LRRK2: variants seen among roughly 807,000 people sequenced by gnomAD.
LRRK2 encodes the protein leucine-rich repeat serine/threonine-protein kinase 2.
In LRRK2, 203 loss-of-function variants were observed where a neutral mutation model predicts 302.6. That is an observed-to-expected ratio of 0.67 (90% CI 0.60 to 0.75). The LOEUF (loss-of-function observed/expected upper bound fraction) is 0.75. Among genes scored for constraint, LRRK2 ranks in the 30% least tolerant of loss-of-function variants. LRRK2 has a pLI of 0.00. For synonymous variants in LRRK2, 1,066 were observed against 1,031.9 expected, an observed-to-expected ratio of 1.03 and a Z score of -0.63; for missense variants, 2,830 against 2,951.0, an observed-to-expected ratio of 0.96 and a Z score of 0.95.
intron 10 of LRRK2, among the ~76,000 whole-genome samples, chr12:40,252,693 A>T (rs966512496): frequency 6.6e-6 from 1 of 152,006 alleles, no homozygotes; most frequent in Admixed American, 6.6e-5. Context: ...TCTCTGCTGC[A>T]TATGCTTTTG....
chr12:40,233,274 A>T (rs1941289560), intron 3 of LRRK2, among the ~76,000 whole-genome samples: 1 of 152,134 alleles, frequency 6.6e-6, no homozygotes, highest in African/African-American at 2.4e-5. Context: ...TTTATACCTA[A>T]TATGACTTTT....
In LRRK2 at chr12:40,340,279, T is replaced by A. The variant is rs1258203630; in HGVS notation, c.5949-15T>A. 6.2e-7 allele frequency: 1 copy of A among 1,613,166 alleles called. No homozygotes were observed. Among genetic ancestry groups the A allele is most frequent in the Non-Finnish European group, 8.5e-7 (1 of 1,179,254 alleles). ...AATCACATTTGAATAAGATTTCCTG[T>A]GCATTTTCTGGCAGATACCTCCACT... is the stretch of plus-strand genomic sequence containing the variant. On this transcript the variant is annotated splice_polypyrimidine_tract_variant and intron_variant, in intron 40 of 50. Transcript: ENST00000298910.
At chr12:40,225,414 C>G (rs1382787788) in intron 1 of LRRK2, 132 bp downstream of exon 1, 2 of 1,292,894 alleles carry the variant, frequency 1.5e-6, no homozygotes, top group African/African-American at 2.9e-5. Context: ...ACTCCCATAT[C>G]CTTTCCTTAG....
chr12:40,353,067 G>T (rs1344891749), intron 44 of LRRK2, among the ~76,000 whole-genome samples: 1 of 149,148 alleles, frequency 6.7e-6, no homozygotes, highest in East Asian at 2.0e-4. Flanking sequence ...CTCCCAGACG[G>T]GGCGGCGGCC....
chr12:40,258,510 A>G (rs1490994866), intron 12 of LRRK2, among the ~76,000 whole-genome samples: 1 of 152,170 alleles, frequency 6.6e-6, no homozygotes, highest in African/African-American at 2.4e-5. Context: ...GATTCTGGGC[A>G]AGGCATTTAA....
rs765296942 is a variant in LRRK2, at chr12:40,284,142, C to A, written c.2500+9C>A. 6.3e-7 allele frequency: 1 copy of A among 1,597,266 alleles called. No individual in the cohort carries two copies. Among genetic ancestry groups the A allele is most frequent in the South Asian group, 1.1e-5 (1 of 89,174 alleles). On this transcript the variant is annotated intron_variant, in intron 19 of 50. Coordinates refer to ENST00000298910, the MANE Select transcript of LRRK2 (RefSeq NM_198578.4). ...TTTAAGGAAACAAACAAGTAAGTAA[C>A]AAGGAGAATATTTTTTACAATTCTT...
At chr12:40,360,172 G>A (rs1452745677) in intron 47 of LRRK2, among the ~76,000 whole-genome samples, 1 of 152,080 alleles carries the variant, frequency 6.6e-6, no homozygotes, top group Admixed American at 6.6e-5. Context: ...CTTACCTGAG[G>A]ATTGTAATAT....
At chr12:40,266,551 G>T (rs1432441335) in intron 14 of LRRK2, among the ~76,000 whole-genome samples, 1 of 152,146 alleles carries the variant, frequency 6.6e-6, no homozygotes, top group African/African-American at 2.4e-5. Context: ...TACACTGTTG[G>T]TGGGACTGTA....
chr12:40,279,507 C>T lies in LRRK2; in HGVS notation c.2241+1246C>T, dbSNP rs113189872. On this transcript the variant is annotated intron_variant, in intron 18 of 50. Coordinates refer to ENST00000298910, the MANE Select transcript of LRRK2 (RefSeq NM_198578.4). ...AAATTTTTCCATCAATAATTTAATA[C>T]ATTTTTACTGTGCATCTTTTGCATG... Among the ~76,000 whole-genome samples, 1,192 of 152,190 alleles carry T rather than the reference C, an allele frequency of 7.8e-3. 21 individuals are homozygous for T. The highest frequency in any genetic ancestry group is 0.026 in the African/African-American group (1,098 of 41,550).
intron 41 of LRRK2, among the ~76,000 whole-genome samples, chr12:40,340,724 A>G (rs1456041179): frequency 6.6e-6 from 1 of 152,222 alleles, no homozygotes; most frequent in African/African-American, 2.4e-5. Flanking sequence ...AGATTTGTAG[A>G]TTCTTTAGAT....
intron 49 of LRRK2, chr12:40,365,449 A>G (rs1376438633): frequency 5.8e-6 from 1 of 171,388 alleles, no homozygotes; most frequent in Non-Finnish European, 1.3e-5. Context: ...TCATTCTATA[A>G]CAAATCTTTT....
At chr12:40,303,599 G>T (rs1025430400) in intron 26 of LRRK2, among the ~76,000 whole-genome samples, 15 of 152,086 alleles carry the variant, frequency 9.9e-5, no homozygotes, top group African/African-American at 3.4e-4. Context: ...TAGCCATAGA[G>T]AGTGTTACAC....
intron 10 of LRRK2, 46 bp from the exon 11 acceptor site, chr12:40,252,864 G>C (rs1366110862): frequency 1.6e-6 from 2 of 1,249,902 alleles, no homozygotes; most frequent in South Asian, 1.2e-5. Context: ...ATTTGAGATA[G>C]TTATTTAAAA....
chr12:40,291,187 C>A (rs2136693014), intron 20 of LRRK2, among the ~76,000 whole-genome samples: 1 of 151,742 alleles, frequency 6.6e-6, no homozygotes, highest in African/African-American at 2.4e-5. Context: ...GGACAAAAAA[C>A]CAAACACCGC....
In LRRK2 at chr12:40,225,562, G is replaced by A; in HGVS notation, c.159G>A (p.Lys53=). The A allele has an allele frequency of 6.2e-7, 1 of 1,613,984 alleles. No homozygotes were observed. The highest frequency in any genetic ancestry group is 1.1e-5 in the South Asian group (1 of 91,076). The part of the protein sequence containing the change: ...LVFTYSERAS[K]LFQGKNIHVP... The stretch of plus-strand genomic sequence containing the variant: ...CACCCACTTGTTTTCCAGCCTCCAA[G>A]TTATTTCAAGGCAAAAATATCCATG... The change falls in exon 2 of 51, where the codon AAG becomes AAA. Residue 53 remains lysine, a synonymous_variant. Coordinates refer to ENST00000298910, the MANE Select transcript of LRRK2 (RefSeq NM_198578.4).
At chr12:40,251,630 T>G in intron 10 of LRRK2, 86 bp downstream of exon 10, 1 of 1,191,656 alleles carries the variant, frequency 8.4e-7, no homozygotes, top group Admixed American at 2.1e-5. Flanking sequence ...TAACTTTTAT[T>G]GTTAGAAATA....
intron 30 of LRRK2, 60 bp downstream of exon 30, chr12:40,309,293 T>TGC (rs869208341): frequency 6.4e-7 from 1 of 1,573,172 alleles, no homozygotes; most frequent in Admixed American, 1.8e-5. Flanking sequence ...TGCGTGTGTG[T>TGC]GTGTGTGTGT....
chr12:40,331,524 GGAA>G (rs1480816608), intron 39 of LRRK2, among the ~76,000 whole-genome samples: 1 of 152,008 alleles, frequency 6.6e-6, no homozygotes, highest in African/African-American at 2.4e-5. Context: ...GGGCCGTATT[GGAA>G]GAAGAATTGC....
At chr12:40,243,057 A>G (rs1941811752) in intron 6 of LRRK2, among the ~76,000 whole-genome samples, 1 of 151,692 alleles carries the variant, frequency 6.6e-6, no homozygotes, top group African/African-American at 2.4e-5. Flanking sequence ...AGATTAAACA[A>G]CGTGACTAAG....
Sources: gnomAD v4.1 joint callset for allele counts (sites outside exome capture counted in the v4.1 genomes callset) on GRCh38, gnomAD v4.1.1 for gene constraint, MANE v1.5 for transcripts, NCBI Gene and HGNC (gene_info 2026-07-23, HGNC 2026-07-21) for gene names.